PTBP1: variants seen among roughly 807,000 people sequenced by gnomAD.
PTBP1 encodes the protein polypyrimidine tract binding protein 1.
A neutral mutation model predicts 59.8 loss-of-function variants in PTBP1; 8 were observed. That is an observed-to-expected ratio of 0.13 (90% confidence interval 0.08 to 0.24). The LOEUF (loss-of-function observed/expected upper bound fraction) is 0.24. Among genes scored for constraint, PTBP1 ranks in the 10% least tolerant of loss-of-function variants. The probability of loss-of-function intolerance (pLI) is 1.00; values close to 1 mark genes in which losing one functional copy is unlikely to be tolerated. For synonymous variants in PTBP1, 490 were observed against 320.7 expected, an observed-to-expected ratio of 1.53 and a Z score of -5.64; for missense variants, 686 against 767.0, an observed-to-expected ratio of 0.89 and a Z score of 1.25.
chr19:805,951 T>C (rs936227400), intron 9 of PTBP1: 5 of 280,796 alleles, frequency 1.8e-5, no homozygotes, highest in Non-Finnish European at 3.4e-5. Flanking sequence ...GCGGGACGTG[T>C]GTGCGTGGCC....
intron 8 of PTBP1, 39 bp from the exon 9 acceptor site, chr19:805,453 G>A (rs762620129): frequency 3.2e-6 from 5 of 1,570,498 alleles, no homozygotes; most frequent in Non-Finnish European, 3.5e-6. Context: ...TCGCGGTGGA[G>A]GTTGTGGGTG....
In PTBP1 at chr19:811,144, T is replaced by G. The variant is rs2034846717; in HGVS notation, c.*318T>G. 1 of 241,934 alleles carries G rather than the reference T, an allele frequency of 4.1e-6. No individual in the cohort carries two copies. The highest frequency in any genetic ancestry group is 7.9e-6 in the Non-Finnish European group (1 of 126,960). The allele number at this position is 241,934 out of a possible 1,614,324, so 15.0% of individuals were successfully genotyped here. A position where few individuals can be genotyped will look rare whatever the true frequency, so the allele number is the denominator to read the frequency against. Reference sequence around the variant, plus strand: ...TGCAGGTGGGCGCCCCGACCACGACTTGGCTTCCTTGTGCCTTAAAAAACC... The same window carrying G: ...TGCAGGTGGGCGCCCCGACCACGACGTGGCTTCCTTGTGCCTTAAAAAACC... On this transcript the variant is annotated 3_prime_UTR_variant, in exon 15 of 15. Transcript: ENST00000356948.
rs576370372 is a variant in PTBP1, at chr19:803,683, C to T, written c.115+47C>T. The stretch of plus-strand genomic sequence containing the variant: ...GGGCAAGACCCGTGGGTGTCTTTCC[C>T]TGGAACAACGTTACGTTCTTGTTCT... On this transcript the variant is annotated intron_variant, in intron 3 of 14. Coordinates refer to ENST00000356948, the MANE Select transcript of PTBP1 (RefSeq NM_002819.5). The T allele has an allele frequency of 6.6e-6, 10 of 1,516,510 alleles. No individual in the cohort carries two copies. In the East Asian group the frequency reaches 6.8e-5, roughly 10 times the overall value. The allele number at this position is 1,516,510 out of a possible 1,614,324, so 93.9% of individuals were successfully genotyped here.
At chr19:810,150 T>TA (rs1048686657) in intron 13 of PTBP1, among the ~76,000 whole-genome samples, 1 of 152,046 alleles carries the variant, frequency 6.6e-6, no homozygotes, top group African/African-American at 2.4e-5. Flanking sequence ...CTACTAAAAA[T>TA]AAAAAAATTA....
intron 10 of PTBP1, chr19:807,623 C>T (rs1407961607): frequency 4.2e-6 from 2 of 479,548 alleles, no homozygotes; most frequent in African/African-American, 4.0e-5. Context: ...CACGGTACTT[C>T]TGCTTCCTGT....
In PTBP1 at chr19:812,093, ATTT is replaced by A. The variant is rs2034909313; in HGVS notation, c.*1269_*1271del. On this transcript the variant is annotated 3_prime_UTR_variant, in exon 15 of 15. Coordinates refer to ENST00000356948, the MANE Select transcript of PTBP1 (RefSeq NM_002819.5). ...GTTTTTTATGGTGACACAAATGTAT[ATTT>A]TGCTAACAGCAATTCCAGGCTCAGT... The A allele has an allele frequency of 6.6e-6, 1 of 152,254 alleles. No homozygotes were observed. Among genetic ancestry groups the A allele is most frequent in the Non-Finnish European group, 1.5e-5 (1 of 68,014 alleles). The allele number at this position is 152,254 out of a possible 1,614,324, so 9.4% of individuals were successfully genotyped here. A position where few individuals can be genotyped will look rare whatever the true frequency, so the allele number is the denominator to read the frequency against.
intron 1 of PTBP1, among the ~76,000 whole-genome samples, chr19:798,114 C>T (rs918264127): frequency 6.6e-6 from 1 of 151,972 alleles, no homozygotes; most frequent in African/African-American, 2.4e-5. Flanking sequence ...CCCCCGTGCG[C>T]CCCGGGCCGC....
rs1481339928 is a variant in PTBP1 at position 805,522 on chromosome 19, A to G, written c.923A>G (p.Tyr308Cys). 6.2e-7 allele frequency: 1 copy of G among 1,613,880 alleles called. No homozygotes were observed. Among genetic ancestry groups the G allele is most frequent in the Non-Finnish European group, 8.5e-7 (1 of 1,179,746 alleles). The change falls in exon 9 of 15, where the codon TAT (tyrosine) becomes TGT (cysteine). Residue 308 changes from tyrosine (Y) to cysteine (C), a missense_variant. Transcript: ENST00000356948. ...GAPGIISASP[Y>C]AGAGFPPTFA... is the part of the protein sequence containing the mutation. ...CCTGGTATAATCTCAGCCTCTCCGT[A>G]TGCAGGAGCTGGTTTCCCTCCCACC...
rs370990875 is a variant in PTBP1, at chr19:804,387, C to G, written c.384C>G (p.Ile128Met). 10 of 1,612,876 alleles carry G rather than the reference C, an allele frequency of 6.2e-6. No homozygotes were observed. Among genetic ancestry groups the G allele is most frequent in the Non-Finnish European group, 7.6e-6 (9 of 1,179,998 alleles). Residue 128 changes from isoleucine to methionine, a missense_variant, in exon 5 of 15, where the codon ATC becomes ATG. Transcript: ENST00000356948. ...TPVLRGQPIYIQFSNHKELKT... is the reference protein window; with the variant it reads ...TPVLRGQPIYMQFSNHKELKT... Reference sequence around the variant, plus strand: ...TGCTGCGCGGCCAGCCCATCTACATCCAGTTCTCCAACCACAAGGAGCTGA... The same window carrying G: ...TGCTGCGCGGCCAGCCCATCTACATGCAGTTCTCCAACCACAAGGAGCTGA...
chr19:810,994 A>G lies in PTBP1; in HGVS notation c.*168A>G. ...AAATTAAATCTAGTTCACCTTGCTCACCCTGCGGTGACAGGGACAGCTCAG... is the reference window on the plus strand; with the variant it reads ...AAATTAAATCTAGTTCACCTTGCTCGCCCTGCGGTGACAGGGACAGCTCAG... On this transcript the variant is annotated 3_prime_UTR_variant, in exon 15 of 15. Transcript: ENST00000356948. 1.4e-6 allele frequency: 1 copy of G among 699,618 alleles called. No individual in the cohort carries two copies. The highest frequency in any genetic ancestry group is 3.4e-5 in the East Asian group (1 of 29,780). The allele number at this position is 699,618 out of a possible 1,614,324, so 43.3% of individuals were successfully genotyped here. A position where few individuals can be genotyped will look rare whatever the true frequency, so the allele number is the denominator to read the frequency against.
chr19:800,118 T>G (rs1462842683), intron 2 of PTBP1, among the ~76,000 whole-genome samples: 1 of 143,542 alleles, frequency 7.0e-6, no homozygotes, highest in Non-Finnish European at 1.5e-5. Flanking sequence ...TTTTTTTTTT[T>G]TGGTAAAGAT....
chr19:799,121 T>G (rs1166685353), intron 1 of PTBP1, among the ~76,000 whole-genome samples: 1 of 152,106 alleles, frequency 6.6e-6, no homozygotes, highest in Non-Finnish European at 1.5e-5. Flanking sequence ...CCGATGGGGG[T>G]GTCTTTGTCT....
intron 1 of PTBP1, 173 bp from the exon 2 acceptor site, chr19:799,240 T>C (rs1209980489): frequency 1.3e-6 from 1 of 744,666 alleles, no homozygotes; most frequent in Non-Finnish European, 2.4e-6. Flanking sequence ...AGTGGACGGC[T>C]CACTTCCCTG....
In PTBP1 at chr19:804,124, C is replaced by G. The variant is rs199558877; in HGVS notation, c.204C>G (p.Ile68Met). 1 of 1,613,920 alleles carries G rather than the reference C, an allele frequency of 6.2e-7. No homozygotes were observed. ...SRVIHIRKLP[I>M]DVTEGEVISL... is the part of the protein sequence containing the mutation. The stretch of plus-strand genomic sequence containing the variant: ...TGATCCACATCCGGAAGCTCCCCAT[C>G]GACGTCACGGAGGGGGAAGTCATCT... Residue 68 changes from isoleucine to methionine, a missense_variant, in exon 4 of 15, where the codon ATC becomes ATG. By Grantham distance (10) the Ile-to-Met change is conservative. Coordinates refer to ENST00000356948, the MANE Select transcript of PTBP1 (RefSeq NM_002819.5).
At chr19:797,754 C>T (rs1258670469) in intron 1 of PTBP1, among the ~76,000 whole-genome samples, 5 of 148,236 alleles carry the variant, frequency 3.4e-5, no homozygotes, top group Admixed American at 6.7e-5. Context: ...CTAGCGCACG[C>T]GGCCTCCCGC....
At chr19:799,288 A>C in intron 1 of PTBP1, 125 bp from the exon 2 acceptor site, 1 of 874,440 alleles carries the variant, frequency 1.1e-6, no homozygotes, top group Non-Finnish European at 2.0e-6. Context: ...TCGTGCAGCC[A>C]GAGGGAGCCC....
intron 13 of PTBP1, 27 bp from the exon 14 acceptor site, chr19:810,516 C>T (rs767227149): frequency 6.8e-6 from 11 of 1,608,642 alleles, no homozygotes; most frequent in African/African-American, 5.4e-5. Context: ...CACGCGGCCC[C>T]AGGCTCACGC....
At chr19:802,466 CAG>C (rs1452019538) in intron 2 of PTBP1, among the ~76,000 whole-genome samples, 1 of 151,502 alleles carries the variant, frequency 6.6e-6, no homozygotes, top group African/African-American at 2.4e-5. Context: ...TGAGGGGGGA[CAG>C]GGTGTGATAT....
intron 13 of PTBP1, among the ~76,000 whole-genome samples, chr19:809,269 A>C (rs1299729750): frequency 1.3e-5 from 2 of 151,966 alleles, no homozygotes; most frequent in African/African-American, 4.8e-5. Context: ...GGCCTCCCAA[A>C]GTGCTGGGAT....
Sources: allele counts gnomAD v4.1 joint callset (sites outside exome capture counted in the v4.1 genomes callset), GRCh38; gene constraint gnomAD v4.1.1; transcripts MANE v1.5; gene names NCBI Gene and HGNC (gene_info 2026-07-23, HGNC 2026-07-21).